Variants in MPP7 observed in about 807,000 individuals in gnomAD.
MPP7 encodes MAGUK p55 scaffold protein 7.
Under a neutral mutation model 76.5 loss-of-function variants are expected in MPP7, and 60 were observed. The observed-to-expected ratio is 0.78, with a 90% CI of 0.64 to 0.97. The LOEUF is 0.97. MPP7 is among the 50% of genes least tolerant of loss of function. MPP7 has a pLI of 0.00. For synonymous variants in MPP7, 237 were observed against 244.5 expected, an observed-to-expected ratio of 0.97 and a Z score of 0.29; for missense variants, 641 against 694.0, an observed-to-expected ratio of 0.92 and a Z score of 0.86.
intron 1 of MPP7, among the ~76,000 whole-genome samples, chr10:28,264,203 G>A (rs191900741): frequency 2.0e-5 from 3 of 152,184 alleles, no homozygotes; most frequent in Non-Finnish European, 4.4e-5. Context: ...GGAGGCTGAG[G>A]TGGGAGGATG....
intron 2 of MPP7, among the ~76,000 whole-genome samples, chr10:28,224,901 T>C (rs1838638247): frequency 6.6e-6 from 1 of 152,146 alleles, no homozygotes; most frequent in African/African-American, 2.4e-5. Flanking sequence ...AATTTAAAAA[T>C]TGTGAGAGCC....
chr10:28,230,669 T>G (rs11006933), intron 2 of MPP7, among the ~76,000 whole-genome samples: 1 of 151,716 alleles, frequency 6.6e-6, no homozygotes, highest in Non-Finnish European at 1.5e-5. Context: ...TACAAAAAAT[T>G]AGCTGGCATG....
Position 28,275,410 on chromosome 10 carries a change from C to CTTTTTT in MPP7, c.-132+27445_-132+27450dup, listed in dbSNP as rs111692769. On this transcript the variant is annotated intron_variant, in intron 1 of 16. Coordinates refer to ENST00000683449, the MANE Select transcript of MPP7 (RefSeq NM_001318170.2). The stretch of plus-strand genomic sequence containing the variant: ...GTGTCCTGTCACCTTCCTAATATTT[C>CTTTTTT]TTTTTTTTTTTTTTCATACAGAGTC... 5.6e-5 allele frequency among the ~76,000 whole-genome samples: 8 copies of CTTTTTT among 141,662 alleles called. No homozygotes were observed. The South Asian group carries it at 6.8e-4, about 12-fold the overall frequency. The allele number at this position is 141,662 out of a possible 152,430, so 92.9% of individuals were successfully genotyped here.
At chr10:28,070,070 GGATA>G (rs1211091330) in intron 12 of MPP7, among the ~76,000 whole-genome samples, 1 of 152,128 alleles carries the variant, frequency 6.6e-6, no homozygotes, top group Non-Finnish European at 1.5e-5. Context: ...TCCTCAAAAA[GGATA>G]GAAAGATTTA....
intron 3 of MPP7, among the ~76,000 whole-genome samples, chr10:28,192,620 A>C (rs1837446858): frequency 6.6e-6 from 1 of 152,220 alleles, no homozygotes; most frequent in Non-Finnish European, 1.5e-5. Flanking sequence ...AAAAGAAATC[A>C]AACAAGATCT....
At chr10:28,324,138 T>C (rs1430601098) in intron 2 of MPP7, among the ~76,000 whole-genome samples, 1 of 152,048 alleles carries the variant, frequency 6.6e-6, no homozygotes, top group African/African-American at 2.4e-5. Context: ...GGAGGCAGGG[T>C]CTTTGGGGCT....
At chr10:28,255,401 C>T (rs1303855479) in intron 1 of MPP7, among the ~76,000 whole-genome samples, 12 of 150,934 alleles carry the variant, frequency 8.0e-5, no homozygotes, top group Admixed American at 7.3e-4. Context: ...CGTGAGCCAC[C>T]GCCTGGCCCA....
Position 28,051,532 on chromosome 10 carries a change from G to C in MPP7, c.*2533C>G, listed in dbSNP as rs774183170. 1 of 152,124 alleles carries C rather than the reference G, an allele frequency of 6.6e-6. No individual in the cohort carries two copies. Among genetic ancestry groups the C allele is most frequent in the Non-Finnish European group, 1.5e-5 (1 of 68,016 alleles). 9.4% of individuals were successfully genotyped at this position (152,124 alleles called of 1,614,324 possible). The stretch of plus-strand genomic sequence containing the variant: ...TTTAAATATATGAATTTTAAAAAGT[G>C]AACGTTCCTCTTCTCTTACATAGTG... On this transcript the variant is annotated 3_prime_UTR_variant, in exon 17 of 17. Coordinates refer to ENST00000683449, the MANE Select transcript of MPP7 (RefSeq NM_001318170.2).
chr10:28,062,271 T>C (rs1851816971), intron 13 of MPP7, among the ~76,000 whole-genome samples: 1 of 152,124 alleles, frequency 6.6e-6, no homozygotes, highest in Non-Finnish European at 1.5e-5. Flanking sequence ...CTGTATTTTA[T>C]GTGAAATGAC....
intron 2 of MPP7, among the ~76,000 whole-genome samples, chr10:28,323,300 T>G (rs971581863): frequency 3.3e-5 from 5 of 151,350 alleles, no homozygotes; most frequent in Admixed American, 2.6e-4. Context: ...AAAAGAAAAA[T>G]AAATCAGCTG....
intron 2 of MPP7, among the ~76,000 whole-genome samples, chr10:28,233,952 G>T (rs987276619): frequency 6.6e-6 from 1 of 151,364 alleles, no homozygotes; most frequent in Admixed American, 6.6e-5. Context: ...AGAGGGAAGA[G>T]AGAAGAGAGA....
intron 5 of MPP7, among the ~76,000 whole-genome samples, chr10:28,144,161 C>T (rs547105926): frequency 4.3e-4 from 66 of 152,144 alleles, no homozygotes; most frequent in African/African-American, 1.4e-3. Context: ...AGTGCTAGTG[C>T]TCTATGTGAA....
chr10:28,226,132 G>A (rs1363953589), intron 2 of MPP7, among the ~76,000 whole-genome samples: 4 of 152,148 alleles, frequency 2.6e-5, no homozygotes, highest in African/African-American at 4.8e-5. Context: ...AAATAAGTCA[G>A]TGAAGAAAAA....
intron 3 of MPP7, among the ~76,000 whole-genome samples, chr10:28,181,543 T>G (rs1486247239): frequency 2.3e-5 from 1 of 42,662 alleles, no homozygotes. Flanking sequence ...GAGCATCTAT[T>G]ATCGTGCCCC....
intron 5 of MPP7, among the ~76,000 whole-genome samples, chr10:28,138,623 G>C (rs1162358967): frequency 6.6e-6 from 1 of 152,178 alleles, no homozygotes; most frequent in East Asian, 1.9e-4. Context: ...TATTGTTACA[G>C]AATGACAAGT....
chr10:28,060,754 T>A (rs1018362302), intron 13 of MPP7, among the ~76,000 whole-genome samples: 3 of 152,204 alleles, frequency 2.0e-5, no homozygotes, highest in Non-Finnish European at 4.4e-5. Flanking sequence ...AGAAAATACT[T>A]CACTTCTGTG....
rs192898813 is a variant in MPP7, at chr10:28,144,947, A to T, written c.315+2536T>A. 6.2e-3 allele frequency among the ~76,000 whole-genome samples: 942 copies of T among 152,340 alleles called. 3 individuals are homozygous for T. The highest frequency in any genetic ancestry group is 0.011 in the Admixed American group (167 of 15,294). On this transcript the variant is annotated intron_variant, in intron 5 of 16. Transcript: ENST00000683449. The stretch of plus-strand genomic sequence containing the variant: ...AATGAATGAAGATCCGTTGCTGGTG[A>T]CATTTATAAACTGCCAAAGAAAGTT...
At chr10:28,114,412 A>C (rs2133579712) in intron 11 of MPP7, among the ~76,000 whole-genome samples, 1 of 151,714 alleles carries the variant, frequency 6.6e-6, no homozygotes, top group East Asian at 2.0e-4. Context: ...AGCCTGTCTC[A>C]AAAAAAGGAA....
chr10:28,134,032 T>C (rs1340960654), intron 5 of MPP7, among the ~76,000 whole-genome samples: 2 of 152,202 alleles, frequency 1.3e-5, no homozygotes, highest in Non-Finnish European at 2.9e-5. Context: ...TCATATCTTT[T>C]GATGCATATA....
Sources: gnomAD v4.1 joint callset for allele counts (sites outside exome capture counted in the v4.1 genomes callset) on GRCh38, gnomAD v4.1.1 for gene constraint, MANE v1.5 for transcripts, NCBI Gene and HGNC (gene_info 2026-07-23, HGNC 2026-07-21) for gene names.